The following ACOT7 variants were observed in gnomAD, a reference collection of about 807,000 sequenced individuals.
The protein encoded by ACOT7 is cytosolic acyl coenzyme A thioester hydrolase.
Under a neutral mutation model 40.2 loss-of-function variants are expected in ACOT7, and 12 were observed. That is an observed-to-expected ratio of 0.30 (90% confidence interval 0.19 to 0.48). The LOEUF (loss-of-function observed/expected upper bound fraction) is 0.48. Among genes scored for constraint, ACOT7 ranks in the 20% least tolerant of loss-of-function variants. ACOT7 has a pLI of 0.99. For synonymous variants in ACOT7, 228 were observed against 219.5 expected, an observed-to-expected ratio of 1.04 and a Z score of -0.34; for missense variants, 395 against 530.8, an observed-to-expected ratio of 0.74 and a Z score of 2.51.
chr1:6,304,465 G>A (rs867122049), intron 6 of ACOT7, among the ~76,000 whole-genome samples: 51 of 141,056 alleles, frequency 3.6e-4, no homozygotes, highest in Middle Eastern at 7.0e-3. Flanking sequence ...AGGGTCACAG[G>A]ACAATAGTGG....
At chr1:6,277,646 C>G (rs1451488400) in intron 8 of ACOT7, among the ~76,000 whole-genome samples, 1 of 152,250 alleles carries the variant, frequency 6.6e-6, no homozygotes, top group Non-Finnish European at 1.5e-5. Flanking sequence ...CTGAATGGTC[C>G]CCACAAGACA....
chr1:6,303,038 C>T (rs1189882392), intron 6 of ACOT7, among the ~76,000 whole-genome samples: 4 of 152,082 alleles, frequency 2.6e-5, no homozygotes, highest in Admixed American at 6.5e-5. Context: ...GGAGCCACCC[C>T]GCTTCTGACG....
At position 6,294,760 on chromosome 1, in the gene ACOT7, C is replaced by T. The variant is rs1365115192; in HGVS notation, c.829+104G>A. 5.9e-6 allele frequency: 5 copies of T among 852,440 alleles called. No homozygotes were observed. The South Asian group carries it at 6.2e-5, about 11-fold the overall frequency. The allele number at this position is 852,440 out of a possible 1,614,324, so 52.8% of individuals were successfully genotyped here. On this transcript the variant is annotated intron_variant, in intron 7 of 8. Transcript: ENST00000361521. This position sits in a 1 kb window ranked among gnomAD's most constrained non-coding sequence, Gnocchi z 4.6. ...GTTCCCTGTGGCAGATGGGCACACA[C>T]CAAGGCCCACATGACCCTGGGTGTG...
At chr1:6,287,874 T>C (rs1373337319) in intron 7 of ACOT7, among the ~76,000 whole-genome samples, 4 of 152,224 alleles carry the variant, frequency 2.6e-5, no homozygotes, top group East Asian at 1.9e-4. Context: ...GTGAACTGAC[T>C]TAGTATTTCT....
chr1:6,393,040 G>GC, intron 1 of ACOT7, among the ~76,000 whole-genome samples: 1 of 151,904 alleles, frequency 6.6e-6, no homozygotes, highest in South Asian at 2.1e-4. Context: ...GCCAGGAGGA[G>GC]CCGGCTGGAG....
chr1:6,380,235 T>A lies in ACOT7; in HGVS notation c.143+13022A>T, dbSNP rs896844228. On this transcript the variant is annotated intron_variant, in intron 1 of 8. Coordinates refer to ENST00000361521, the MANE Select transcript of ACOT7 (RefSeq NM_007274.4). Reference sequence around the variant, plus strand: ...ATTAGCATAAAGACAGATATAAGAATCAATAGAACAGAGAGCCCAGAAATA... The same window carrying A: ...ATTAGCATAAAGACAGATATAAGAAACAATAGAACAGAGAGCCCAGAAATA... Among the ~76,000 whole-genome samples, 12 of 151,536 alleles carry A rather than the reference T, an allele frequency of 7.9e-5. No homozygotes were observed. In the South Asian group the frequency reaches 8.3e-4, roughly 10 times the overall value.
At chr1:6,265,210 G>A (rs74049518) in intron 8 of ACOT7, among the ~76,000 whole-genome samples, 7,975 of 151,982 alleles carry the variant, frequency 0.052, 360 homozygotes, top group African/African-American at 0.12. Context: ...TCACCACCCC[G>A]CAGAGAAGTG....
chr1:6,270,211 G>A (rs373926201), intron 8 of ACOT7, among the ~76,000 whole-genome samples: 40 of 152,376 alleles, frequency 2.6e-4, no homozygotes, highest in African/African-American at 4.3e-4. Flanking sequence ...CCCCACCCAC[G>A]GCCCGGCTGC....
At chr1:6,304,973 G>A (rs1640088652) in intron 6 of ACOT7, among the ~76,000 whole-genome samples, 1 of 149,568 alleles carries the variant, frequency 6.7e-6, no homozygotes, top group African/African-American at 2.5e-5. Flanking sequence ...AGGGGCGGCC[G>A]GGCAGAGGCG....
chr1:6,393,212 C>G, intron 1 of ACOT7, 45 bp downstream of exon 1: 1 of 1,251,250 alleles, frequency 8.0e-7, no homozygotes, highest in African/African-American at 1.5e-5. Context: ...GGGGCGGTGA[C>G]CGGCGCGCCT....
intron 6 of ACOT7, among the ~76,000 whole-genome samples, chr1:6,312,419 T>TTCCCTCCC: frequency 6.6e-6 from 1 of 151,982 alleles, no homozygotes; most frequent in East Asian, 1.9e-4. Context: ...CTTTCTTTCT[T>TTCCCTCCC]TCCCTCCCTC....
chr1:6,361,733 G>C (rs1265632998), intron 1 of ACOT7, among the ~76,000 whole-genome samples: 1 of 152,168 alleles, frequency 6.6e-6, no homozygotes, highest in African/African-American at 2.4e-5. Context: ...GGAGGCGGAG[G>C]TTGCAGTGAG....
rs1419214515 is a variant in ACOT7, at chr1:6,375,241, C to T, written c.143+18016G>A. On this transcript the variant is annotated intron_variant, in intron 1 of 8. Coordinates refer to ENST00000361521, the MANE Select transcript of ACOT7 (RefSeq NM_007274.4). ...TCGCGCCACTGCACTCCAGCCTGGG[C>T]GACAGAGCGAGACTCCTCTCAAAAA... Among the ~76,000 whole-genome samples the T allele has an allele frequency of 2.0e-4, 28 of 138,910 alleles. 1 individual carries two copies. Among genetic ancestry groups the T allele is most frequent in the African/African-American group, 3.9e-4 (14 of 35,950 alleles). The allele number at this position is 138,910 out of a possible 152,430, so 91.1% of individuals were successfully genotyped here. A position where few individuals can be genotyped will look rare whatever the true frequency, so the allele number is the denominator to read the frequency against.
intron 7 of ACOT7, among the ~76,000 whole-genome samples, chr1:6,292,992 C>T (rs1270893821): frequency 6.6e-6 from 1 of 151,512 alleles, no homozygotes; most frequent in Non-Finnish European, 1.5e-5. Flanking sequence ...CAGGTTCACG[C>T]CATTCTCCTA....
Position 6,385,812 on chromosome 1 carries a change from C to T in ACOT7, c.143+7445G>A, listed in dbSNP as rs549508487. The T allele has an allele frequency of 6.7e-5, 94 of 1,410,256 alleles. 2 individuals are homozygous for T. In the Admixed American group the frequency reaches 2.4e-3, roughly 36 times the overall value. 87.4% of individuals were successfully genotyped at this position (1,410,256 alleles called of 1,614,324 possible). On this transcript the variant is annotated intron_variant, in intron 1 of 8. Coordinates refer to ENST00000361521, the MANE Select transcript of ACOT7 (RefSeq NM_007274.4). ...ACCAGGCTCCTGCTCCTCCTAGGACCGCCCCTCCCCCACCAGCCCCCGGCA... is the reference window on the plus strand; with the variant it reads ...ACCAGGCTCCTGCTCCTCCTAGGACTGCCCCTCCCCCACCAGCCCCCGGCA...
chr1:6,350,376 G>A (rs537669028), intron 1 of ACOT7, among the ~76,000 whole-genome samples: 11 of 152,328 alleles, frequency 7.2e-5, no homozygotes, highest in South Asian at 6.2e-4. Context: ...GCAGGTGAGC[G>A]CCTGCCCACT....
intron 2 of ACOT7, among the ~76,000 whole-genome samples, chr1:6,346,538 G>A (rs1469009647): frequency 6.6e-6 from 1 of 152,236 alleles, no homozygotes; most frequent in Non-Finnish European, 1.5e-5. Flanking sequence ...GATGTAGGAG[G>A]TGAGGTCCCC....
intron 1 of ACOT7, among the ~76,000 whole-genome samples, chr1:6,374,270 G>A (rs1642185818): frequency 1.3e-5 from 2 of 152,244 alleles, no homozygotes; most frequent in South Asian, 4.1e-4. Context: ...CAGTTAGGGA[G>A]TCACTAAGAC....
intron 1 of ACOT7, among the ~76,000 whole-genome samples, chr1:6,374,787 G>A (rs1028126612): frequency 6.6e-6 from 1 of 152,178 alleles, no homozygotes; most frequent in African/African-American, 2.4e-5. Flanking sequence ...GTCTAACCTA[G>A]GACAAACCCC....
Sources: gnomAD v4.1 joint callset for allele counts (sites outside exome capture counted in the v4.1 genomes callset) on GRCh38, gnomAD v4.1.1 for gene constraint, Gnocchi (gnomAD v3.1) non-coding constraint, MANE v1.5 for transcripts, NCBI Gene and HGNC (gene_info 2026-07-23, HGNC 2026-07-21) for gene names.